COMMD10: variants seen among roughly 807,000 people sequenced by gnomAD.
The protein encoded by COMMD10 is COMM domain-containing protein 10.
COMMD10 carries 33 observed loss-of-function variants against 28.9 expected under a neutral mutation model. That is an observed-to-expected ratio of 1.14 (90% CI 0.87 to 1.53). The LOEUF (loss-of-function observed/expected upper bound fraction) is 1.53. Ranked by LOEUF, COMMD10 falls within the 40% of genes most tolerant of loss-of-function variation. The pLI is 0.00. For synonymous variants in COMMD10, 110 were observed against 81.7 expected, an observed-to-expected ratio of 1.35 and a Z score of -1.87; for missense variants, 310 against 233.4, an observed-to-expected ratio of 1.33 and a Z score of -2.14.
At chr5:116,119,873 G>A (rs1751367842) in intron 4 of COMMD10, among the ~76,000 whole-genome samples, 1 of 152,122 alleles carries the variant, frequency 6.6e-6, no homozygotes, top group East Asian at 1.9e-4. Flanking sequence ...CCCTGCCTCA[G>A]CCTCCCAAAG....
At chr5:116,166,632 C>T (rs1753108907) in intron 5 of COMMD10, among the ~76,000 whole-genome samples, 1 of 152,176 alleles carries the variant, frequency 6.6e-6, no homozygotes, top group African/African-American at 2.4e-5. Context: ...TGAGACGAAA[C>T]TTCCAGAGGA....
intron 4 of COMMD10, among the ~76,000 whole-genome samples, chr5:116,124,196 G>C (rs1017334274): frequency 6.6e-6 from 1 of 152,128 alleles, no homozygotes; most frequent in South Asian, 2.1e-4. Flanking sequence ...TCTTTCTCTT[G>C]TGGGCATTTA....
At chr5:116,186,048 C>A (rs1170027408) in intron 5 of COMMD10, among the ~76,000 whole-genome samples, 2 of 152,124 alleles carry the variant, frequency 1.3e-5, no homozygotes, top group African/African-American at 4.8e-5. Context: ...CCCTTTTAAT[C>A]ATCTGAGGAA....
At chr5:116,101,012 A>C (rs1200123249) in intron 4 of COMMD10, among the ~76,000 whole-genome samples, 1 of 152,092 alleles carries the variant, frequency 6.6e-6, no homozygotes, top group Non-Finnish European at 1.5e-5. Flanking sequence ...TCTGTGTCTG[A>C]CTTGTTTCAC....
At chr5:116,175,511 A>G (rs1753476368) in intron 5 of COMMD10, among the ~76,000 whole-genome samples, 1 of 152,184 alleles carries the variant, frequency 6.6e-6, no homozygotes, top group African/African-American at 2.4e-5. Flanking sequence ...CATATGACCT[A>G]GCATTGCTAC....
intron 4 of COMMD10, among the ~76,000 whole-genome samples, chr5:116,129,450 ATACAT>A (rs1751780883): frequency 1.2e-5 from 1 of 83,596 alleles, no homozygotes; most frequent in South Asian, 4.4e-4. Flanking sequence ...CTAATGTAAT[ATACAT>A]TAGTATATAT....
rs552103206 is a variant in COMMD10, at chr5:116,199,257, T to C, written c.510+65079T>C. 7.4e-4 allele frequency among the ~76,000 whole-genome samples: 112 copies of C among 152,238 alleles called. 1 individual carries two copies. The highest frequency in any genetic ancestry group is 2.4e-3 in the African/African-American group (98 of 41,570). The stretch of plus-strand genomic sequence containing the variant: ...ATATTTATTTGGCATCTGTGTAACT[T>C]CTTTGATGAGGTTTCTGTTTAGGTT... On this transcript the variant is annotated intron_variant, in intron 5 of 6. Transcript: ENST00000274458.
intron 5 of COMMD10, among the ~76,000 whole-genome samples, chr5:116,248,436 A>ATTCTGT (rs1561391226): frequency 2.0e-5 from 3 of 152,030 alleles, no homozygotes; most frequent in Non-Finnish European, 2.9e-5. Flanking sequence ...GTTATTTACA[A>ATTCTGT]CAAAGACTCC....
intron 4 of COMMD10, among the ~76,000 whole-genome samples, chr5:116,120,512 A>C (rs1751394604): frequency 6.6e-6 from 1 of 152,140 alleles, no homozygotes; most frequent in Non-Finnish European, 1.5e-5. Context: ...AAAATTAAAA[A>C]AAATTTTTTT....
chr5:116,093,649 T>C (rs547895834), intron 4 of COMMD10, among the ~76,000 whole-genome samples: 2 of 152,076 alleles, frequency 1.3e-5, no homozygotes, highest in South Asian at 4.2e-4. Flanking sequence ...ATTTTAAGAG[T>C]CTAATCCCTG....
intron 5 of COMMD10, among the ~76,000 whole-genome samples, chr5:116,245,534 C>A (rs1367928957): frequency 2.0e-5 from 3 of 151,832 alleles, no homozygotes; most frequent in Non-Finnish European, 4.4e-5. Flanking sequence ...AGAGATAAAA[C>A]AAAAAAAGAA....
At chr5:116,287,360 TTAAAG>T (rs748443138) in intron 5 of COMMD10, among the ~76,000 whole-genome samples, 5 of 151,840 alleles carry the variant, frequency 3.3e-5, no homozygotes, top group Non-Finnish European at 5.9e-5. Context: ...GGTTTTTTAT[TTAAAG>T]TATATTTTGT....
intron 5 of COMMD10, among the ~76,000 whole-genome samples, chr5:116,257,749 G>A (rs953605298): frequency 1.3e-5 from 2 of 151,716 alleles, no homozygotes; most frequent in African/African-American, 4.9e-5. Context: ...GAATATTATG[G>A]TGGGTTCAGA....
At chr5:116,173,315 A>G (rs1753398195) in intron 5 of COMMD10, among the ~76,000 whole-genome samples, 1 of 152,118 alleles carries the variant, frequency 6.6e-6, no homozygotes. Flanking sequence ...GAGTTTAGTT[A>G]TATTCAATTT....
chr5:116,118,260 AT>A (rs1205463954), intron 4 of COMMD10, among the ~76,000 whole-genome samples: 1 of 151,410 alleles, frequency 6.6e-6, no homozygotes, highest in African/African-American at 2.4e-5. Context: ...CATAATATTT[AT>A]TTTTTTTGTG....
In COMMD10 at chr5:116,262,723, G is replaced by C. The variant is rs556944002; in HGVS notation, c.511-28794G>C. On this transcript the variant is annotated intron_variant, in intron 5 of 6. Coordinates refer to ENST00000274458, the MANE Select transcript of COMMD10 (RefSeq NM_016144.4). ...ATTTTGTCCTTTGTATTTTGTACCA[G>C]CAAAATGAAAATCATTTTTTATAGC... Among the ~76,000 whole-genome samples the C allele has an allele frequency of 3.9e-5, 6 of 151,912 alleles. No individual in the cohort carries two copies. The East Asian group carries it at 5.8e-4, about 15-fold the overall frequency.
At chr5:116,193,514 T>C (rs1748427784) in intron 5 of COMMD10, among the ~76,000 whole-genome samples, 1 of 151,800 alleles carries the variant, frequency 6.6e-6, no homozygotes. Flanking sequence ...CAAAAGCAAA[T>C]AGGGAAAGCT....
intron 5 of COMMD10, among the ~76,000 whole-genome samples, chr5:116,139,070 C>T (rs1752117341): frequency 6.6e-6 from 1 of 151,646 alleles, no homozygotes; most frequent in African/African-American, 2.4e-5. Context: ...TCCAGTTTAT[C>T]AGTAGGATGC....
At chr5:116,237,170 G>C (rs537461823) in intron 5 of COMMD10, among the ~76,000 whole-genome samples, 4 of 152,176 alleles carry the variant, frequency 2.6e-5, no homozygotes, top group African/African-American at 9.6e-5. Flanking sequence ...TCTCTGATAT[G>C]TTTGATGAAC....
Sources: gnomAD v4.1 joint callset for allele counts (sites outside exome capture counted in the v4.1 genomes callset) on GRCh38, gnomAD v4.1.1 for gene constraint, MANE v1.5 for transcripts, NCBI Gene and HGNC (gene_info 2026-07-23, HGNC 2026-07-21) for gene names.